Variants in PCCA observed in about 807,000 individuals in gnomAD.
PCCA encodes the protein propionyl-CoA carboxylase subunit alpha, also known as propionyl-CoA carboxylase alpha chain, mitochondrial.
A neutral mutation model predicts 101.3 loss-of-function variants in PCCA; 74 were observed. The ratio of observed to expected loss-of-function variants is 0.73; its 90% CI spans 0.61 to 0.89. The LOEUF (loss-of-function observed/expected upper bound fraction) is 0.89. Ranked by LOEUF, PCCA falls within the 40% of genes least tolerant of loss-of-function variation. The pLI is 0.00. For synonymous variants in PCCA, 294 were observed against 313.6 expected (o/e 0.94, Z 0.66); for missense variants, 891 against 907.0 (o/e 0.98, Z 0.23).
At chr13:100,469,789 C>CAAACA (rs1010662205) in intron 21 of PCCA, among the ~76,000 whole-genome samples, 5 of 150,706 alleles carry the variant, frequency 3.3e-5, no homozygotes, top group South Asian at 4.2e-4. Flanking sequence ...CAAAAAAAAA[C>CAAACA]AAACAAAACA....
At chr13:100,371,779 C>A (rs2075587934) in intron 19 of PCCA, among the ~76,000 whole-genome samples, 1 of 152,182 alleles carries the variant, frequency 6.6e-6, no homozygotes. Context: ...TATACCTCCT[C>A]ATCTCAAAAC....
intron 12 of PCCA, among the ~76,000 whole-genome samples, chr13:100,286,454 G>A (rs2064665359): frequency 6.6e-6 from 1 of 152,160 alleles, no homozygotes; most frequent in Non-Finnish European, 1.5e-5. Flanking sequence ...GGGAGTCAGG[G>A]CAGAGCAGGT....
chr13:100,331,954 T>C (rs2152736934), intron 17 of PCCA, among the ~76,000 whole-genome samples: 1 of 150,342 alleles, frequency 6.7e-6, no homozygotes. Context: ...TTTTTTTTTT[T>C]TTTGAGACAG....
At chr13:100,200,523 T>C (rs2058410741) in intron 6 of PCCA, among the ~76,000 whole-genome samples, 1 of 152,092 alleles carries the variant, frequency 6.6e-6, no homozygotes, top group Admixed American at 6.6e-5. Context: ...TTTTAAGCCT[T>C]TTTAGTTGCA....
At chr13:100,309,384 G>A (rs567413309) in intron 15 of PCCA, among the ~76,000 whole-genome samples, 38 of 152,274 alleles carry the variant, frequency 2.5e-4, no homozygotes, top group African/African-American at 8.4e-4. Context: ...GCAATAGAGC[G>A]AGACTCCATC....
At chr13:100,270,940 C>T (rs2063272479) in intron 11 of PCCA, among the ~76,000 whole-genome samples, 1 of 152,074 alleles carries the variant, frequency 6.6e-6, no homozygotes, top group South Asian at 2.1e-4. Context: ...CCCCAGAGGT[C>T]GAGGTTGCAG....
chr13:100,185,728 G>A (rs2057201586), intron 6 of PCCA, among the ~76,000 whole-genome samples: 1 of 151,248 alleles, frequency 6.6e-6, no homozygotes, highest in Non-Finnish European at 1.5e-5. Flanking sequence ...GCTCACCGCA[G>A]CCTCCACCTC....
intron 8 of PCCA, among the ~76,000 whole-genome samples, chr13:100,242,814 C>G (rs1368810070): frequency 6.6e-6 from 1 of 152,108 alleles, no homozygotes; most frequent in Non-Finnish European, 1.5e-5. Flanking sequence ...ATAGGATTCT[C>G]TGCAATATAT....
chr13:100,277,168 C>T (rs778497678), intron 12 of PCCA, among the ~76,000 whole-genome samples: 1 of 152,086 alleles, frequency 6.6e-6, no homozygotes, highest in Non-Finnish European at 1.5e-5. Context: ...GGTTTTATTC[C>T]AGTTCAGTCT....
At chr13:100,471,773 A>T (rs2083034348) in intron 21 of PCCA, among the ~76,000 whole-genome samples, 2 of 152,218 alleles carry the variant, frequency 1.3e-5, no homozygotes, top group Admixed American at 1.3e-4. Context: ...CTGTGTGCAG[A>T]CACAACACAG....
chr13:100,302,316 T>C (rs1391362495), intron 13 of PCCA, among the ~76,000 whole-genome samples: 1 of 152,192 alleles, frequency 6.6e-6, no homozygotes, highest in Admixed American at 6.5e-5. Context: ...GAGAGCTGGT[T>C]TGAAATATTT....
At chr13:100,134,784 G>A (rs1444455168) in intron 4 of PCCA, among the ~76,000 whole-genome samples, 1 of 151,962 alleles carries the variant, frequency 6.6e-6, no homozygotes, top group Non-Finnish European at 1.5e-5. Flanking sequence ...GAACTCCTGT[G>A]CTCAAGCAGT....
At chr13:100,367,846 C>T (rs1048247163) in intron 18 of PCCA, among the ~76,000 whole-genome samples, 7 of 151,210 alleles carry the variant, frequency 4.6e-5, no homozygotes, top group African/African-American at 1.7e-4. Context: ...TAATCCCAGC[C>T]TCTCGGGAGG....
At chr13:100,286,156 T>G (rs2064626581) in intron 12 of PCCA, among the ~76,000 whole-genome samples, 1 of 152,208 alleles carries the variant, frequency 6.6e-6, no homozygotes, top group Non-Finnish European at 1.5e-5. Context: ...ACTAAGATGT[T>G]CTGTGAGTAA....
In PCCA at chr13:100,188,042, G is replaced by C. The variant is rs190219790; in HGVS notation, c.469-21290G>C. Among the ~76,000 whole-genome samples, 71 of 152,128 alleles carry C rather than the reference G, an allele frequency of 4.7e-4. 1 individual carries two copies. The East Asian group carries it at 0.011, about 24-fold the overall frequency. ...CTGAGTTACTTCACTTAGAATAATG[G>C]TCTCCACTTTGGGAGGCCGAGGTGG... On this transcript the variant is annotated intron_variant, in intron 6 of 23. Transcript: ENST00000376285.
At chr13:100,393,312 C>G (rs770989370) in intron 19 of PCCA, among the ~76,000 whole-genome samples, 2 of 151,862 alleles carry the variant, frequency 1.3e-5, no homozygotes, top group Non-Finnish European at 2.9e-5. Context: ...TCTTTTACCA[C>G]TTTAAAGGCC....
At chr13:100,281,903 A>G (rs943396978) in intron 12 of PCCA, among the ~76,000 whole-genome samples, 12 of 152,224 alleles carry the variant, frequency 7.9e-5, no homozygotes, top group Non-Finnish European at 1.5e-4. Context: ...CAGAAGTAGA[A>G]TTGCTGGGAA....
At chr13:100,149,848 A>G (rs1429707895) in intron 4 of PCCA, 2 of 152,186 alleles carry the variant, frequency 1.3e-5, no homozygotes, top group Non-Finnish European at 2.9e-5. Flanking sequence ...AAAATGTTTC[A>G]CTGAGACCAT....
chr13:100,264,619 T>G (rs2062809184), intron 10 of PCCA, among the ~76,000 whole-genome samples: 1 of 152,210 alleles, frequency 6.6e-6, no homozygotes, highest in East Asian at 1.9e-4. Flanking sequence ...ACCTGCAGTT[T>G]ATCCATATTG....
Sources: gnomAD v4.1 joint callset for allele counts (sites outside exome capture counted in the v4.1 genomes callset) on GRCh38, gnomAD v4.1.1 for gene constraint, MANE v1.5 for transcripts, NCBI Gene and HGNC (gene_info 2026-07-23, HGNC 2026-07-21) for gene names.